Variants in NLGN1 observed in about 807,000 individuals in gnomAD.
NLGN1 encodes neuroligin 1.
In NLGN1, 12 loss-of-function variants were observed where a neutral mutation model predicts 65.5. The ratio of observed to expected loss-of-function variants is 0.18; its 90% CI spans 0.12 to 0.30. The LOEUF (loss-of-function observed/expected upper bound fraction) is 0.30. Among genes scored for constraint, NLGN1 ranks in the 10% least tolerant of loss-of-function variants. NLGN1 has a pLI of 1.00. For synonymous variants in NLGN1, 350 were observed against 359.5 expected, an observed-to-expected ratio of 0.97 and a Z score of 0.30; for missense variants, 750 against 1,007.1, an observed-to-expected ratio of 0.74 and a Z score of 3.46.
chr3:173,908,067 G>C (rs1328128384), intron 4 of NLGN1, among the ~76,000 whole-genome samples: 2 of 152,190 alleles, frequency 1.3e-5, no homozygotes, highest in Non-Finnish European at 2.9e-5. Flanking sequence ...AGCTCAAAGA[G>C]AAAACAGGAC....
intron 4 of NLGN1, among the ~76,000 whole-genome samples, chr3:174,130,124 C>G (rs1185018722): frequency 3.3e-5 from 5 of 152,204 alleles, no homozygotes; most frequent in Non-Finnish European, 7.3e-5. Context: ...CCTGTAATCC[C>G]AGCCCTTTGG....
At chr3:173,773,070 T>C (rs1465978310) in intron 3 of NLGN1, among the ~76,000 whole-genome samples, 5 of 152,186 alleles carry the variant, frequency 3.3e-5, no homozygotes, top group Non-Finnish European at 7.3e-5. Flanking sequence ...TCTCTATCAA[T>C]CAGTGAAAGT....
chr3:173,965,385 T>G (rs1300270604), intron 4 of NLGN1, among the ~76,000 whole-genome samples: 3 of 152,006 alleles, frequency 2.0e-5, no homozygotes, highest in African/African-American at 4.8e-5. Context: ...TAGTGTGATC[T>G]TGGCTCACTG....
chr3:174,134,789 C>T (rs1369360600), intron 4 of NLGN1, among the ~76,000 whole-genome samples: 2 of 152,088 alleles, frequency 1.3e-5, no homozygotes, highest in Non-Finnish European at 2.9e-5. Context: ...CAGTTAAATG[C>T]GACCTGACCA....
intron 4 of NLGN1, among the ~76,000 whole-genome samples, chr3:173,853,845 A>G (rs1419337735): frequency 2.0e-5 from 3 of 152,014 alleles, no homozygotes; most frequent in African/African-American, 7.2e-5. Flanking sequence ...GCAGTAATAA[A>G]AACAGTATCT....
chr3:173,680,165 G>A (rs561990425), intron 3 of NLGN1, among the ~76,000 whole-genome samples: 1 of 152,092 alleles, frequency 6.6e-6, no homozygotes, highest in African/African-American at 2.4e-5. Flanking sequence ...AGTTTATTTT[G>A]TTTTGTTTCT....
chr3:174,068,570 CTA>C (rs1174704914), intron 4 of NLGN1, among the ~76,000 whole-genome samples: 1 of 152,108 alleles, frequency 6.6e-6, no homozygotes, highest in African/African-American at 2.4e-5. Context: ...GAACCTAAGT[CTA>C]TCTTATACTC....
At chr3:173,645,152 G>A (rs1018909122) in intron 3 of NLGN1, among the ~76,000 whole-genome samples, 2 of 152,230 alleles carry the variant, frequency 1.3e-5, no homozygotes, top group African/African-American at 4.8e-5. Flanking sequence ...GCAACTTTCA[G>A]GTTCTTGCTT....
chr3:174,279,825 T>C lies in NLGN1; in HGVS notation c.1649+175T>C, dbSNP rs1751252995. ...GTGTTTTTAAAAGTCATTGCTTTAT[T>C]ATTTCTGGTGTTTTAGAAGCTTGTT... is the stretch of plus-strand genomic sequence containing the variant. On this transcript the variant is annotated intron_variant, in intron 6 of 6. Coordinates refer to ENST00000457714, the Ensembl canonical transcript of NLGN1. The surrounding 1 kb of genome is among the most constrained non-coding windows in gnomAD (Gnocchi z 4.7). Among the ~76,000 whole-genome samples the C allele has an allele frequency of 6.6e-6, 1 of 152,010 alleles. No homozygotes were observed. The highest frequency in any genetic ancestry group is 2.4e-5 in the African/African-American group (1 of 41,420).
At chr3:173,579,635 C>T (rs1746069550) in intron 2 of NLGN1, among the ~76,000 whole-genome samples, 1 of 152,212 alleles carries the variant, frequency 6.6e-6, no homozygotes, top group Admixed American at 6.5e-5. Context: ...TAGTCAGTAC[C>T]AGTCAAGCAT....
intron 4 of NLGN1, among the ~76,000 whole-genome samples, chr3:173,976,923 G>T (rs1223574116): frequency 6.6e-6 from 1 of 151,898 alleles, no homozygotes; most frequent in Non-Finnish European, 1.5e-5. Flanking sequence ...AACCTTTTAA[G>T]CACTACAGAA....
intron 4 of NLGN1, among the ~76,000 whole-genome samples, chr3:174,213,347 C>G (rs2152796676): frequency 6.6e-6 from 1 of 152,136 alleles, no homozygotes; most frequent in East Asian, 1.9e-4. Flanking sequence ...ATAGGACTTT[C>G]CTTGAAATTT....
chr3:174,098,330 C>G (rs1358183609), intron 4 of NLGN1, among the ~76,000 whole-genome samples: 1 of 151,620 alleles, frequency 6.6e-6, no homozygotes, highest in Non-Finnish European at 1.5e-5. Flanking sequence ...GTTCTTACAA[C>G]AAAAGGAAAA....
chr3:173,621,068 A>G (rs573068128), intron 3 of NLGN1, among the ~76,000 whole-genome samples: 1 of 152,278 alleles, frequency 6.6e-6, no homozygotes, highest in Admixed American at 6.5e-5. Context: ...CTGAATTACA[A>G]ATCAAGTCTG....
At position 174,279,425 on chromosome 3, in the gene NLGN1, T is replaced by TTCAC. The variant is rs1199019088; in HGVS notation, c.1428_1431dup (p.Asn478LeufsTer26). On this transcript the variant is annotated frameshift_variant, in exon 6 of 7. Transcript: ENST00000457714. LOFTEE classifies it high-confidence loss of function. This position sits in a 1 kb window ranked among gnomAD's most constrained non-coding sequence, Gnocchi z 4.7. ...GCACCAGCTGTAGCCACAGCGGATC[T>TTCAC]TCACTCAAACTTTGGTTCACCTACG... The TTCAC allele has an allele frequency of 6.2e-7, 1 of 1,613,214 alleles. No homozygotes were observed. The highest frequency in any genetic ancestry group is 8.5e-7 in the Non-Finnish European group (1 of 1,179,574).
At chr3:173,434,958 G>T (rs247978) in intron 1 of NLGN1, 1 of 152,420 alleles carries the variant, frequency 6.6e-6, no homozygotes, top group Non-Finnish European at 1.5e-5. Context: ...GCTCAGTTCC[G>T]TGTCACTAAT....
At chr3:173,434,700 A>G (rs1463007677) in intron 1 of NLGN1, among the ~76,000 whole-genome samples, 1 of 152,196 alleles carries the variant, frequency 6.6e-6, no homozygotes, top group Non-Finnish European at 1.5e-5. Flanking sequence ...GACACCCTAT[A>G]AAATAGTCTA....
intron 2 of NLGN1, among the ~76,000 whole-genome samples, chr3:173,532,032 C>T (rs1736656978): frequency 6.6e-6 from 1 of 152,162 alleles, no homozygotes; most frequent in African/African-American, 2.4e-5. Context: ...TTCCTCTTCA[C>T]TAGATTTCCT....
At chr3:174,132,085 C>T (rs1720321071) in intron 4 of NLGN1, among the ~76,000 whole-genome samples, 1 of 152,110 alleles carries the variant, frequency 6.6e-6, no homozygotes, top group Non-Finnish European at 1.5e-5. Context: ...TGTGTGTTCC[C>T]TTGAATATAC....
Sources: allele counts gnomAD v4.1 joint callset (sites outside exome capture counted in the v4.1 genomes callset), GRCh38; gene constraint gnomAD v4.1.1; non-coding constraint Gnocchi (gnomAD v3.1); transcripts MANE v1.5; gene names NCBI Gene and HGNC (gene_info 2026-07-23, HGNC 2026-07-21).